Variants in TP53BP1 observed in about 807,000 individuals in gnomAD.
TP53BP1 encodes TP53-binding protein 1.
In TP53BP1, 61 loss-of-function variants were observed where a neutral mutation model predicts 200.8. That is an observed-to-expected ratio of 0.30 (90% confidence interval 0.25 to 0.38). The LOEUF (loss-of-function observed/expected upper bound fraction) is 0.38, where lower values mean the gene tolerates loss of function less well. Ranked by LOEUF, TP53BP1 falls within the 10% of genes least tolerant of loss-of-function variation. The pLI is 1.00. For missense variants in TP53BP1, 2,144 were observed against 2,371.9 expected, an observed-to-expected ratio of 0.90 and a Z score of 2.00; for synonymous variants, 822 against 844.3, an observed-to-expected ratio of 0.97 and a Z score of 0.46.
intron 10 of TP53BP1, among the ~76,000 whole-genome samples, chr15:43,473,078 A>G (rs578023083): frequency 5.3e-4 from 80 of 152,098 alleles, no homozygotes; most frequent in African/African-American, 1.9e-3. Context: ...CAGCGCGTCT[A>G]GAGTTGTTCG....
chr15:43,490,250 T>C (rs2079102651), intron 4 of TP53BP1, among the ~76,000 whole-genome samples: 1 of 151,826 alleles, frequency 6.6e-6, no homozygotes, highest in Admixed American at 6.6e-5. Flanking sequence ...CTACCACACC[T>C]CGTTAATTTT....
At chr15:43,427,829 T>C (rs558813514) in intron 18 of TP53BP1, among the ~76,000 whole-genome samples, 187 bp downstream of exon 18, 180 of 152,102 alleles carry the variant, frequency 1.2e-3, no homozygotes, top group Non-Finnish European at 2.1e-3. Context: ...TGGTGGTTCA[T>C]GCCTGTAGAA....
chr15:43,484,919 T>C (rs1379028140), intron 4 of TP53BP1, among the ~76,000 whole-genome samples: 1 of 152,092 alleles, frequency 6.6e-6, no homozygotes, highest in Non-Finnish European at 1.5e-5. Flanking sequence ...CCTGGCTTAC[T>C]GTGTATTTTT....
chr15:43,406,856 T>G lies in TP53BP1; in HGVS notation c.*527A>C. 3.2e-6 allele frequency: 1 copy of G among 314,754 alleles called. No individual in the cohort carries two copies. The highest frequency in any genetic ancestry group is 2.9e-5 in the South Asian group (1 of 34,538). The allele number at this position is 314,754 out of a possible 1,614,324, so 19.5% of individuals were successfully genotyped here. A position where few individuals can be genotyped will look rare whatever the true frequency, so the allele number is the denominator to read the frequency against. ...TTGGTCCTTTCGTTCTCCCTTTAGC[T>G]CTAAGAGTTGGGGAGTACCCACAGG... On this transcript the variant is annotated 3_prime_UTR_variant, in exon 28 of 28. Coordinates refer to ENST00000382044, the MANE Select transcript of TP53BP1 (RefSeq NM_001141980.3).
chr15:43,404,336 C>A lies in TP53BP1; in HGVS notation c.*3047G>T. 1 of 1,557,018 alleles carries A rather than the reference C, an allele frequency of 6.4e-7. No individual in the cohort carries two copies. The highest frequency in any genetic ancestry group is 1.4e-5 in the African/African-American group (1 of 73,230). ...TTGAACAAGGCTTTTCCAAGAAACT[C>A]CTCCCTCCGCCCCCATCCTCCATAT... On this transcript the variant is annotated 3_prime_UTR_variant, in exon 28 of 28. Coordinates refer to ENST00000382044, the MANE Select transcript of TP53BP1 (RefSeq NM_001141980.3).
At chr15:43,410,047 C>A (rs2045065809) in intron 24 of TP53BP1, among the ~76,000 whole-genome samples, 1 of 152,206 alleles carries the variant, frequency 6.6e-6, no homozygotes, top group South Asian at 2.1e-4. Context: ...TCATTTCCCA[C>A]AGTGACATAT....
intron 1 of TP53BP1, among the ~76,000 whole-genome samples, chr15:43,502,743 G>C (rs1287209310): frequency 6.6e-6 from 1 of 151,548 alleles, no homozygotes; most frequent in Non-Finnish European, 1.5e-5. Flanking sequence ...ACACGCGTGA[G>C]CCACCGTGCC....
intron 11 of TP53BP1, among the ~76,000 whole-genome samples, chr15:43,457,639 T>C (rs913745674): frequency 8.1e-5 from 9 of 111,466 alleles, no homozygotes; most frequent in African/African-American, 3.2e-4. Context: ...ACCACTGCAC[T>C]CCAGCCTGGG....
intron 8 of TP53BP1, among the ~76,000 whole-genome samples, 166 bp from the exon 9 acceptor site, chr15:43,475,860 T>C (rs982625113): frequency 6.6e-6 from 1 of 152,206 alleles, no homozygotes; most frequent in African/African-American, 2.4e-5. Flanking sequence ...ACTACTACAA[T>C]AGCACAAATC....
rs138999915 is a variant in TP53BP1 at position 43,409,214 on chromosome 15, T to G, written c.5401-118A>C. On this transcript the variant is annotated intron_variant, in intron 25 of 27. Coordinates refer to ENST00000382044, the MANE Select transcript of TP53BP1 (RefSeq NM_001141980.3). ...AGACTCCCAACTACTACCCAAAATGTGATTTAGTCTATCCTGCCCAAGGCC... is the reference window on the plus strand; with the variant it reads ...AGACTCCCAACTACTACCCAAAATGGGATTTAGTCTATCCTGCCCAAGGCC... 16 of 889,064 alleles carry G rather than the reference T, an allele frequency of 1.8e-5. No individual in the cohort carries two copies. The East Asian group carries it at 4.2e-4, about 23-fold the overall frequency. The allele number at this position is 889,064 out of a possible 1,614,324, so 55.1% of individuals were successfully genotyped here.
At chr15:43,439,395 C>A (rs563650656) in intron 15 of TP53BP1, among the ~76,000 whole-genome samples, 1 of 152,170 alleles carries the variant, frequency 6.6e-6, no homozygotes, top group East Asian at 1.9e-4. Context: ...AAAAATTAGC[C>A]CCTGGTGGCA....
At chr15:43,491,837 C>A in intron 3 of TP53BP1, 84 bp from the exon 4 acceptor site, 2 of 1,229,954 alleles carry the variant, frequency 1.6e-6, no homozygotes, top group East Asian at 2.3e-5. Context: ...CAATACCAAT[C>A]TAATCAGTGA....
chr15:43,415,451 T>C (rs1005990245), intron 23 of TP53BP1, 143 bp downstream of exon 23: 1 of 825,040 alleles, frequency 1.2e-6, no homozygotes, highest in Non-Finnish European at 2.0e-6. Context: ...TGTCCCTGAA[T>C]ATCACCTGTG....
intron 11 of TP53BP1, among the ~76,000 whole-genome samples, chr15:43,463,326 T>C (rs1426305666): frequency 1.3e-5 from 2 of 152,136 alleles, no homozygotes; most frequent in East Asian, 1.9e-4. Flanking sequence ...ATAGACAAAA[T>C]TACCTTTATC....
Position 43,475,596 on chromosome 15 carries a change from G to A in TP53BP1, c.1054C>T (p.Gln352Ter). The A allele has an allele frequency of 1.2e-6, 2 of 1,614,106 alleles. No individual in the cohort carries two copies. The highest frequency in any genetic ancestry group is 1.7e-6 in the Non-Finnish European group (2 of 1,180,028). The change falls in exon 9 of 28, where the codon CAG (glutamine) becomes TAG (stop). Residue 352 changes from glutamine to a stop codon, truncating the protein, a stop_gained. Transcript: ENST00000382044. LOFTEE classifies it high-confidence loss of function. The part of the protein sequence containing the change: ...TTLHLLQLSG[Q>*]RSLVQDSLST... Reference sequence around the variant, plus strand: ...AGACTGTCCTGAACAAGGGACCTCTGACCAGAGAGCTGCAGGAGATGCAGA... The same window carrying A: ...AGACTGTCCTGAACAAGGGACCTCTAACCAGAGAGCTGCAGGAGATGCAGA...
chr15:43,467,650 A>G (rs1814540), intron 11 of TP53BP1, among the ~76,000 whole-genome samples: 5,338 of 152,114 alleles, frequency 0.035, 307 homozygotes, highest in African/African-American at 0.12. Context: ...CACCCCCCCA[A>G]CCAGCAGGAA....
At chr15:43,483,482 G>A (rs974600111) in intron 4 of TP53BP1, among the ~76,000 whole-genome samples, 5 of 152,156 alleles carry the variant, frequency 3.3e-5, no homozygotes, top group African/African-American at 9.7e-5. Flanking sequence ...AATGTTTACA[G>A]CAATTAGCCT....
chr15:43,424,128 C>A (rs2045472065), intron 18 of TP53BP1, among the ~76,000 whole-genome samples: 1 of 152,204 alleles, frequency 6.6e-6, no homozygotes, highest in Admixed American at 6.5e-5. Context: ...TAGATATCCC[C>A]AGTGCATCTC....
At chr15:43,479,282 A>C (rs1247204456) in intron 7 of TP53BP1, 115 bp downstream of exon 7, 8 of 1,183,784 alleles carry the variant, frequency 6.8e-6, no homozygotes, top group Non-Finnish European at 9.3e-6. Context: ...TGCCCAGTAC[A>C]AGGGGAAAAT....
Sources: gnomAD v4.1 joint callset for allele counts (sites outside exome capture counted in the v4.1 genomes callset) on GRCh38, gnomAD v4.1.1 for gene constraint, MANE v1.5 for transcripts, NCBI Gene and HGNC (gene_info 2026-07-23, HGNC 2026-07-21) for gene names.